The following ADAMTS12 variants were observed in gnomAD, a reference collection of about 807,000 sequenced individuals.
The protein encoded by ADAMTS12 is ADAM metallopeptidase with thrombospondin type 1 motif 12, also known as A disintegrin and metalloproteinase with thrombospondin motifs 12.
ADAMTS12 carries 118 observed loss-of-function variants against 167.8 expected under a neutral mutation model. That is an observed-to-expected ratio of 0.70 (90% confidence interval 0.61 to 0.82). ADAMTS12 has a LOEUF of 0.82. Among genes scored for constraint, ADAMTS12 ranks in the 40% least tolerant of loss-of-function variants. ADAMTS12 has a pLI of 0.00. For missense variants in ADAMTS12, 1,916 were observed against 1,998.8 expected (o/e 0.96, Z 0.79); for synonymous variants, 704 against 716.9 (o/e 0.98, Z 0.29).
In ADAMTS12 at chr5:33,637,647, C is replaced by T. The variant is rs1336913005; in HGVS notation, c.1818G>A (p.Met606Ile). The change falls in exon 12 of 24, where the codon ATG (methionine) becomes ATA (isoleucine). Residue 606 changes from methionine (M) to isoleucine (I), a missense_variant. By Grantham distance (10) the Met-to-Ile change is conservative. Transcript: ENST00000504830. Reference protein sequence around the residue: ...CRSEAPTFRQMQCSEFDTVPY... With the variant: ...CRSEAPTFRQIQCSEFDTVPY... ...GAACAGTGTCAAATTCACTGCACTG[C>T]ATCTGCCGAAATGTTGGTGCCTCTG... 16 of 1,613,666 alleles carry T rather than the reference C, an allele frequency of 9.9e-6. No individual in the cohort carries two copies. Among genetic ancestry groups the T allele is most frequent in the Non-Finnish European group, 1.2e-5 (14 of 1,179,736 alleles).
intron 2 of ADAMTS12, among the ~76,000 whole-genome samples, chr5:33,862,485 T>C (rs1223221612): frequency 1.3e-5 from 2 of 152,242 alleles, no homozygotes; most frequent in South Asian, 4.1e-4. Context: ...CTCCCAAGAC[T>C]AAACCAGGAA....
At chr5:33,652,540 G>T (rs1345295732) in intron 7 of ADAMTS12, among the ~76,000 whole-genome samples, 1 of 152,074 alleles carries the variant, frequency 6.6e-6, no homozygotes, top group African/African-American at 2.4e-5. Flanking sequence ...TCCTTTGTCA[G>T]ATGTATAGTT....
intron 3 of ADAMTS12, among the ~76,000 whole-genome samples, chr5:33,733,665 A>T (rs530602930): frequency 2.0e-5 from 3 of 152,174 alleles, no homozygotes; most frequent in South Asian, 4.1e-4. Flanking sequence ...GCTTTGTGCA[A>T]ATCCAGGTGG....
chr5:33,853,951 G>A (rs1242865517), intron 2 of ADAMTS12, among the ~76,000 whole-genome samples: 13 of 152,162 alleles, frequency 8.5e-5, no homozygotes, highest in Admixed American at 7.9e-4. Context: ...GCTCTAAAGA[G>A]GCAAAGTCTT....
chr5:33,793,550 T>A (rs570473890), intron 2 of ADAMTS12, among the ~76,000 whole-genome samples: 2 of 152,388 alleles, frequency 1.3e-5, no homozygotes, highest in South Asian at 2.1e-4. Flanking sequence ...TCACATTTTT[T>A]AAATTGAATT....
At position 33,588,707 on chromosome 5, in the gene ADAMTS12, C is replaced by T; in HGVS notation, c.2757G>A (p.Gln919=). 1.2e-6 allele frequency: 2 copies of T among 1,614,164 alleles called. No individual in the cohort carries two copies. Among genetic ancestry groups the T allele is most frequent in the Non-Finnish European group, 1.7e-6 (2 of 1,180,036 alleles). ...GCTGGCAGTCTGTGGGCGGGAGAGC[C>T]TGCTCGTCAGAGACCATGGTCTGGA... ...LCIQTMVSDE[Q]ALPPTDCQHL... is the part of the protein sequence containing the mutation. Residue 919 remains glutamine, a synonymous_variant, in exon 18 of 24, where the codon CAG becomes CAA. Coordinates refer to ENST00000504830, the MANE Select transcript of ADAMTS12 (RefSeq NM_030955.4).
At chr5:33,621,399 CAAAAAAA>C (rs202182365) in intron 14 of ADAMTS12, among the ~76,000 whole-genome samples, 1 of 82,118 alleles carries the variant, frequency 1.2e-5, no homozygotes, top group African/African-American at 4.7e-5. Context: ...GACTCCATCT[CAAAAAAA>C]AAAAAAAAAA....
intron 2 of ADAMTS12, among the ~76,000 whole-genome samples, chr5:33,809,191 G>A (rs1291865006): frequency 6.6e-6 from 1 of 152,174 alleles, no homozygotes; most frequent in Non-Finnish European, 1.5e-5. Context: ...CAGGGATCCT[G>A]TTAAACTGCA....
At chr5:33,806,859 C>T (rs1747256750) in intron 2 of ADAMTS12, among the ~76,000 whole-genome samples, 3 of 152,182 alleles carry the variant, frequency 2.0e-5, no homozygotes, top group African/African-American at 7.2e-5. Context: ...ATCCAGCTGC[C>T]ATCATCCCCG....
At chr5:33,654,814 T>A (rs536791510) in intron 7 of ADAMTS12, among the ~76,000 whole-genome samples, 1 of 152,150 alleles carries the variant, frequency 6.6e-6, no homozygotes, top group Non-Finnish European at 1.5e-5. Context: ...ATTTTCTGCC[T>A]TGTTAGACTG....
chr5:33,844,647 G>A (rs746404716), intron 2 of ADAMTS12, among the ~76,000 whole-genome samples: 40 of 152,082 alleles, frequency 2.6e-4, no homozygotes, highest in African/African-American at 4.6e-4. Flanking sequence ...ATTTTGCCCC[G>A]GTCCTGTGGT....
At chr5:33,797,211 GAC>G (rs1746808469) in intron 2 of ADAMTS12, among the ~76,000 whole-genome samples, 1 of 152,168 alleles carries the variant, frequency 6.6e-6, no homozygotes. Flanking sequence ...GAAGAATTTA[GAC>G]TTCACTTTTA....
At chr5:33,837,313 A>T (rs548693809) in intron 2 of ADAMTS12, among the ~76,000 whole-genome samples, 78 of 152,356 alleles carry the variant, frequency 5.1e-4, no homozygotes, top group South Asian at 1.2e-3. Context: ...GACAGAATCG[A>T]CCAGGCAATG....
intron 5 of ADAMTS12, 32 bp downstream of exon 5, chr5:33,682,986 T>C (rs1363054115): frequency 3.2e-6 from 5 of 1,586,752 alleles, no homozygotes; most frequent in African/African-American, 1.3e-5. Context: ...TGCGAGGACA[T>C]ATAGCAGAAG....
At chr5:33,727,305 A>T (rs780786897) in intron 3 of ADAMTS12, among the ~76,000 whole-genome samples, 1 of 151,464 alleles carries the variant, frequency 6.6e-6, no homozygotes, top group Non-Finnish European at 1.5e-5. Flanking sequence ...TCAGTTATTC[A>T]AGAGAGGGTC....
chr5:33,630,034 A>G (rs139797233), intron 13 of ADAMTS12, among the ~76,000 whole-genome samples: 116 of 152,334 alleles, frequency 7.6e-4, no homozygotes, highest in Non-Finnish European at 1.2e-3. Flanking sequence ...AGGATCATAC[A>G]ACTAGTAAAT....
At chr5:33,579,813 A>C (rs1746965538) in intron 18 of ADAMTS12, among the ~76,000 whole-genome samples, 1 of 152,230 alleles carries the variant, frequency 6.6e-6, no homozygotes, top group East Asian at 1.9e-4. Context: ...TAGTGATTGA[A>C]AGCTATTATT....
intron 2 of ADAMTS12, among the ~76,000 whole-genome samples, chr5:33,864,492 A>G (rs572203420): frequency 6.6e-6 from 1 of 152,340 alleles, no homozygotes; most frequent in South Asian, 2.1e-4. Flanking sequence ...TACTGGGTAT[A>G]TACCCAAAGG....
chr5:33,865,984 C>T (rs149764008), intron 2 of ADAMTS12, among the ~76,000 whole-genome samples: 2 of 152,212 alleles, frequency 1.3e-5, no homozygotes, highest in East Asian at 3.9e-4. Flanking sequence ...AGAAACATAT[C>T]CCATGCTCAT....
Sources: allele counts gnomAD v4.1 joint callset (sites outside exome capture counted in the v4.1 genomes callset), GRCh38; gene constraint gnomAD v4.1.1; transcripts MANE v1.5; gene names NCBI Gene and HGNC (gene_info 2026-07-23, HGNC 2026-07-21).